CYFIP2: variants seen among roughly 807,000 people sequenced by gnomAD.
The protein encoded by CYFIP2 is cytoplasmic FMR1 interacting protein 2.
Under a neutral mutation model 158.7 loss-of-function variants are expected in CYFIP2, and 29 were observed. The ratio of observed to expected loss-of-function variants is 0.18; its 90% CI spans 0.14 to 0.25. The LOEUF (loss-of-function observed/expected upper bound fraction) is 0.25. Among genes scored for constraint, CYFIP2 ranks in the 10% least tolerant of loss-of-function variants. CYFIP2 has a pLI of 1.00. For synonymous variants in CYFIP2, 585 were observed against 617.6 expected (o/e 0.95, Z 0.78); for missense variants, 852 against 1,639.5 (o/e 0.52, Z 8.29).
chr5:157,349,212 G>A (rs958756833), intron 23 of CYFIP2, among the ~76,000 whole-genome samples: 2 of 151,988 alleles, frequency 1.3e-5, no homozygotes, highest in Non-Finnish European at 2.9e-5. Flanking sequence ...TGAGATTTTG[G>A]TGCACCCATC....
chr5:157,334,877 T>A (rs1761739274), intron 21 of CYFIP2, among the ~76,000 whole-genome samples: 1 of 152,220 alleles, frequency 6.6e-6, no homozygotes, highest in Non-Finnish European at 1.5e-5. Flanking sequence ...ATAAAGCCTG[T>A]CATTCAGCTA....
chr5:157,357,755 C>T (rs898993733), intron 23 of CYFIP2, among the ~76,000 whole-genome samples: 6 of 151,704 alleles, frequency 4.0e-5, no homozygotes, highest in East Asian at 1.9e-4. Flanking sequence ...TGCTTGAACC[C>T]GAGGCAGAGA....
rs1445047400 is a variant in CYFIP2 at position 157,395,558 on chromosome 5, C to T, written c.*2558C>T. 8.2e-7 allele frequency: 1 copy of T among 1,214,054 alleles called. No homozygotes were observed. Among genetic ancestry groups the T allele is most frequent in the Non-Finnish European group, 1.1e-6 (1 of 920,650 alleles). 75.2% of individuals were successfully genotyped at this position (1,214,054 alleles called of 1,614,324 possible). On this transcript the variant is annotated 3_prime_UTR_variant, in exon 31 of 31. Coordinates refer to ENST00000620254, the MANE Select transcript of CYFIP2 (RefSeq NM_001037333.3). ...CCTGTGTTGAGTTGATAAACATTTC[C>T]ATCTTCATTAAAACTGCTTCCAAAC...
rs2113064025 is a variant in CYFIP2, at chr5:157,314,409, A to G, written c.1176A>G (p.Leu392=). ...AGGAGTATCGCGAGCTCTTCGACCT[A>G]GCCCTGCGGGGTCTGCAGCTTCTAT... The part of the protein sequence containing the change: ...SDEEYRELFD[L]ALRGLQLLSK... Residue 392 remains leucine (L), a synonymous_variant, in exon 12 of 31, where the codon CTA becomes CTG. Coordinates refer to ENST00000620254, the MANE Select transcript of CYFIP2 (RefSeq NM_001037333.3). 2 of 1,613,958 alleles carry G rather than the reference A, an allele frequency of 1.2e-6. No individual in the cohort carries two copies. Among genetic ancestry groups the G allele is most frequent in the Admixed American group, 3.3e-5 (2 of 60,020 alleles).
intron 17 of CYFIP2, 39 bp from the exon 18 acceptor site, chr5:157,326,132 G>T (rs765247476): frequency 6.8e-7 from 1 of 1,462,760 alleles, no homozygotes; most frequent in South Asian, 1.1e-5. Context: ...CTTAAGGGGG[G>T]TTATTAGCAA....
chr5:157,277,039 C>CTTTT (rs755120170), intron 1 of CYFIP2: 1 of 144,988 alleles, frequency 6.9e-6, no homozygotes, highest in African/African-American at 2.5e-5. Flanking sequence ...TTCTCTTTTT[C>CTTTT]TTTTTTTTTT....
chr5:157,371,299 G>T (rs1189376780), intron 26 of CYFIP2, among the ~76,000 whole-genome samples: 1 of 152,154 alleles, frequency 6.6e-6, no homozygotes, highest in Admixed American at 6.5e-5. Flanking sequence ...AATCCAAGCA[G>T]CGATCCCTGT....
chr5:157,381,904 C>T (rs1419122037), intron 26 of CYFIP2, among the ~76,000 whole-genome samples: 3 of 150,616 alleles, frequency 2.0e-5, no homozygotes, highest in Non-Finnish European at 4.4e-5. Context: ...TCTCCAGACT[C>T]CTTCCCTCCC....
At chr5:157,308,106 C>T (rs894947481) in intron 9 of CYFIP2, among the ~76,000 whole-genome samples, 2 of 151,464 alleles carry the variant, frequency 1.3e-5, no homozygotes, top group African/African-American at 4.9e-5. Flanking sequence ...TTCCAAGTTG[C>T]AGGATTCAGC....
At chr5:157,391,429 G>A (rs771863181) in intron 30 of CYFIP2, among the ~76,000 whole-genome samples, 1 of 151,958 alleles carries the variant, frequency 6.6e-6, no homozygotes, top group Non-Finnish European at 1.5e-5. Context: ...TGAAACTCCG[G>A]GCCCATTAAA....
At chr5:157,335,539 A>G (rs994477150) in intron 21 of CYFIP2, among the ~76,000 whole-genome samples, 1 of 152,154 alleles carries the variant, frequency 6.6e-6, no homozygotes, top group African/African-American at 2.4e-5. Context: ...GCCTCCCAAG[A>G]GTCTTTTGTA....
At chr5:157,271,765 G>A (rs932493664) in intron 1 of CYFIP2, among the ~76,000 whole-genome samples, 1 of 152,220 alleles carries the variant, frequency 6.6e-6, no homozygotes, top group Admixed American at 6.5e-5. Flanking sequence ...CCATGTTCGA[G>A]TTGTGGTTTC....
chr5:157,320,024 G>A lies in CYFIP2; in HGVS notation c.1523+96G>A. 12 of 1,471,730 alleles carry A rather than the reference G, an allele frequency of 8.2e-6. No individual in the cohort carries two copies. The South Asian group carries it at 1.3e-4, about 15-fold the overall frequency. 91.2% of individuals were successfully genotyped at this position (1,471,730 alleles called of 1,614,324 possible). A position where few individuals can be genotyped will look rare whatever the true frequency, so the allele number is the denominator to read the frequency against. ...TGGCTCAGCCACTGAACACACATGG[G>A]TCCTTCCAGCAAGCTCCAGAGGGCT... On this transcript the variant is annotated intron_variant, in intron 14 of 30. Coordinates refer to ENST00000620254, the MANE Select transcript of CYFIP2 (RefSeq NM_001037333.3).
chr5:157,326,840 A>G (rs1295182978), intron 18 of CYFIP2, among the ~76,000 whole-genome samples: 3 of 152,228 alleles, frequency 2.0e-5, no homozygotes, highest in African/African-American at 7.2e-5. Context: ...GTCTGAGGAA[A>G]GCACTAAACA....
At chr5:157,356,178 A>G (rs965139806) in intron 23 of CYFIP2, among the ~76,000 whole-genome samples, 14 of 152,154 alleles carry the variant, frequency 9.2e-5, no homozygotes, top group Non-Finnish European at 2.1e-4. Context: ...TAAGGTGCCA[A>G]CAGATCCAGT....
rs369466999 is a variant in CYFIP2 at position 157,302,967 on chromosome 5, C to T, written c.666+77C>T. On this transcript the variant is annotated intron_variant, in intron 7 of 30. Coordinates refer to ENST00000620254, the MANE Select transcript of CYFIP2 (RefSeq NM_001037333.3). ...AGGCGTGTAGAGGTTGGGTGGACCA[C>T]GAGCCCAAGCAGACAAGCTCAGTCT... 5.6e-5 allele frequency: 63 copies of T among 1,129,440 alleles called. 1 individual carries two copies. The highest frequency in any genetic ancestry group is 3.0e-4 in the Admixed American group (12 of 39,860). 70.0% of individuals were successfully genotyped at this position (1,129,440 alleles called of 1,614,324 possible). A position where few individuals can be genotyped will look rare whatever the true frequency, so the allele number is the denominator to read the frequency against.
At position 157,287,202 on chromosome 5, in the gene CYFIP2, A is replaced by C; in HGVS notation, c.207+94A>C. On this transcript the variant is annotated intron_variant, in intron 3 of 30. Coordinates refer to ENST00000620254, the MANE Select transcript of CYFIP2 (RefSeq NM_001037333.3). Reference sequence around the variant, plus strand: ...TCACACCAGAGGCATGTGCTCAGCTACTCTAAGAACCCCCTGCCTCAGTCA... The same window carrying C: ...TCACACCAGAGGCATGTGCTCAGCTCCTCTAAGAACCCCCTGCCTCAGTCA... 1.7e-5 allele frequency: 16 copies of C among 919,404 alleles called. No individual in the cohort carries two copies. In the South Asian group the frequency reaches 2.1e-4, roughly 12 times the overall value. The allele number at this position is 919,404 out of a possible 1,614,324, so 57.0% of individuals were successfully genotyped here. A position where few individuals can be genotyped will look rare whatever the true frequency, so the allele number is the denominator to read the frequency against.
intron 3 of CYFIP2, among the ~76,000 whole-genome samples, chr5:157,292,791 C>T (rs1757933331): frequency 6.6e-6 from 1 of 151,058 alleles, no homozygotes; most frequent in South Asian, 2.1e-4. Context: ...CGAATGGTAA[C>T]TCTGTGGTTA....
chr5:157,283,865 C>G (rs1199581041), intron 1 of CYFIP2, among the ~76,000 whole-genome samples: 1 of 152,092 alleles, frequency 6.6e-6, no homozygotes, highest in Non-Finnish European at 1.5e-5. Context: ...TCCTTTTCCC[C>G]CCTAATGTTA....
Sources: allele counts gnomAD v4.1 joint callset (sites outside exome capture counted in the v4.1 genomes callset), GRCh38; gene constraint gnomAD v4.1.1; transcripts MANE v1.5; gene names NCBI Gene and HGNC (gene_info 2026-07-23, HGNC 2026-07-21).